The following PRR16 variants were observed in gnomAD, a reference collection of about 807,000 sequenced individuals.
PRR16 encodes proline rich 16.
A neutral mutation model predicts 18.2 loss-of-function variants in PRR16; 6 were observed. The observed-to-expected ratio is 0.33, with a 90% CI of 0.18 to 0.65. PRR16 has a LOEUF of 0.65. Ranked by LOEUF, PRR16 falls within the 30% of genes least tolerant of loss-of-function variation. The probability of loss-of-function intolerance (pLI) is 0.74; values close to 1 mark genes in which losing one functional copy is unlikely to be tolerated. For synonymous variants in PRR16, 151 were observed against 147.8 expected (o/e 1.02, Z -0.16); for missense variants, 412 against 376.6 (o/e 1.09, Z -0.78).
chr5:120,782,780 G>A, the PRR16 span, among the ~76,000 whole-genome samples: 1 of 152,132 alleles, frequency 6.6e-6, no homozygotes, highest in Non-Finnish European at 1.5e-5. Flanking sequence ...AAATTTTGTG[G>A]CTGGTCCTGG....
At position 120,545,707 on chromosome 5, in the gene PRR16, C is replaced by T. The variant is rs1034587797; in HGVS notation, c.159+81062C>T. ...ATTATTGAATATTAATACCATATTACACTGCTCTTAGTGAATCATTTGTAT... is the reference window on the plus strand; with the variant it reads ...ATTATTGAATATTAATACCATATTATACTGCTCTTAGTGAATCATTTGTAT... On this transcript the variant is annotated intron_variant, in intron 1 of 1. Transcript: ENST00000407149. Among the ~76,000 whole-genome samples the T allele has an allele frequency of 3.9e-5, 6 of 152,152 alleles. No homozygotes were observed. In the East Asian group the frequency reaches 9.7e-4, roughly 25 times the overall value.
At chr5:120,636,887 T>TAC (rs1755245372) in intron 1 of PRR16, among the ~76,000 whole-genome samples, 1 of 152,116 alleles carries the variant, frequency 6.6e-6, no homozygotes, top group Admixed American at 6.6e-5. Context: ...TCACAATCTA[T>TAC]ACATCCAATA....
At chr5:120,516,296 G>A (rs1750988717) in intron 1 of PRR16, among the ~76,000 whole-genome samples, 1 of 151,826 alleles carries the variant, frequency 6.6e-6, no homozygotes, top group Admixed American at 6.6e-5. Context: ...GTGGTGGCGG[G>A]TACCTGTAGT....
At chr5:120,651,014 G>A (rs1156821205) in intron 1 of PRR16, among the ~76,000 whole-genome samples, 6 of 152,090 alleles carry the variant, frequency 3.9e-5, no homozygotes, top group East Asian at 1.9e-4. Context: ...TTGAATGATC[G>A]CCATTCTAAA....
intron 1 of PRR16, among the ~76,000 whole-genome samples, chr5:120,481,998 G>A (rs1380569279): frequency 1.3e-5 from 2 of 151,850 alleles, no homozygotes; most frequent in African/African-American, 4.8e-5. Flanking sequence ...ATGAAATTTA[G>A]CATGGGAGCA....
intron 1 of PRR16, among the ~76,000 whole-genome samples, chr5:120,532,153 G>A (rs1383711031): frequency 3.3e-5 from 5 of 152,096 alleles, no homozygotes; most frequent in African/African-American, 1.2e-4. Flanking sequence ...GCGATCCAGG[G>A]AAACTAATGT....
intron 1 of PRR16, among the ~76,000 whole-genome samples, chr5:120,567,002 C>A (rs1246496689): frequency 1.3e-5 from 2 of 151,906 alleles, no homozygotes; most frequent in Non-Finnish European, 2.9e-5. Context: ...ATACCCAGTT[C>A]CTGCACAGTT....
At position 120,466,052 on chromosome 5, in the gene PRR16, T is replaced by G. The variant is rs183402678; in HGVS notation, c.159+1407T>G. On this transcript the variant is annotated intron_variant, in intron 1 of 1. Coordinates refer to ENST00000407149, the MANE Select transcript of PRR16 (RefSeq NM_001300783.2). ...GTTTGCCAGTGGTAAATGTCGTTCC[T>G]GTAGGTTACTCCACAGACAGAACAT... 1.1e-4 allele frequency among the ~76,000 whole-genome samples: 16 copies of G among 152,276 alleles called. No homozygotes were observed. The East Asian group carries it at 3.1e-3, about 29-fold the overall frequency.
chr5:120,573,547 T>G (rs765243104), intron 1 of PRR16, among the ~76,000 whole-genome samples: 4 of 152,140 alleles, frequency 2.6e-5, no homozygotes, highest in Non-Finnish European at 5.9e-5. Flanking sequence ...AGTAAAGCTT[T>G]AGAAAGAGCA....
the PRR16 span, among the ~76,000 whole-genome samples, chr5:120,724,450 T>C: frequency 6.6e-6 from 1 of 152,114 alleles, no homozygotes; most frequent in Admixed American, 6.6e-5. Context: ...GAAAATTAAA[T>C]GTGTTTATTC....
chr5:120,532,253 A>G (rs1751575843), intron 1 of PRR16, among the ~76,000 whole-genome samples: 1 of 152,144 alleles, frequency 6.6e-6, no homozygotes, highest in South Asian at 2.1e-4. Context: ...AGTGTTTGGA[A>G]AAATTTTCTG....
chr5:120,663,711 C>T (rs1756257102), intron 1 of PRR16, among the ~76,000 whole-genome samples: 1 of 152,144 alleles, frequency 6.6e-6, no homozygotes, highest in Non-Finnish European at 1.5e-5. Flanking sequence ...ATTCATATCA[C>T]TGTAGAGTAT....
At chr5:120,618,529 G>A (rs1754586085) in intron 1 of PRR16, 2 of 956,756 alleles carry the variant, frequency 2.1e-6, no homozygotes, top group Non-Finnish European at 2.5e-6. Context: ...TTGGAATTTA[G>A]CTATATTTAT....
chr5:120,670,014 A>G (rs1756543039), intron 1 of PRR16, among the ~76,000 whole-genome samples: 1 of 152,120 alleles, frequency 6.6e-6, no homozygotes, highest in Admixed American at 6.6e-5. Flanking sequence ...CAATACTTTT[A>G]TTCTGACCAT....
chr5:120,712,351 A>T, the PRR16 span, among the ~76,000 whole-genome samples: 1 of 152,104 alleles, frequency 6.6e-6, no homozygotes, highest in Non-Finnish European at 1.5e-5. Context: ...ATTCTACATA[A>T]ATGCAAGTTT....
intron 1 of PRR16, among the ~76,000 whole-genome samples, chr5:120,570,312 G>A (rs1752866292): frequency 6.6e-6 from 1 of 152,008 alleles, no homozygotes; most frequent in Non-Finnish European, 1.5e-5. Flanking sequence ...CATCCTAAAT[G>A]GCTGAAAATG....
chr5:120,554,722 A>G (rs970961920), intron 1 of PRR16, among the ~76,000 whole-genome samples: 1 of 151,928 alleles, frequency 6.6e-6, no homozygotes, highest in African/African-American at 2.4e-5. Flanking sequence ...CCCAGCTTAC[A>G]TTAGCCAGAG....
At chr5:120,605,984 T>G (rs1754141934) in intron 1 of PRR16, among the ~76,000 whole-genome samples, 1 of 152,038 alleles carries the variant, frequency 6.6e-6, no homozygotes, top group African/African-American at 2.4e-5. Flanking sequence ...TTCAGGGGGC[T>G]GTGGGCAAGT....
chr5:120,749,789 A>G, the PRR16 span, among the ~76,000 whole-genome samples: 1 of 152,174 alleles, frequency 6.6e-6, no homozygotes, highest in South Asian at 2.1e-4. Flanking sequence ...ATGCACATGG[A>G]TATTCTCGTT....
Sources: gnomAD v4.1 joint callset for allele counts (sites outside exome capture counted in the v4.1 genomes callset) on GRCh38, gnomAD v4.1.1 for gene constraint, MANE v1.5 for transcripts, NCBI Gene and HGNC (gene_info 2026-07-23, HGNC 2026-07-21) for gene names.